EIF4E3: variants seen among roughly 807,000 people sequenced by gnomAD.
EIF4E3 encodes the protein eukaryotic translation initiation factor 4E family member 3, also known as eukaryotic translation initiation factor 4E type 3.
EIF4E3 carries 26 observed loss-of-function variants against 31.7 expected under a neutral mutation model. That is an observed-to-expected ratio of 0.82 (90% confidence interval 0.60 to 1.14). The LOEUF is 1.14. Ranked by LOEUF, EIF4E3 falls within the 50% of genes most tolerant of loss-of-function variation. The probability of loss-of-function intolerance (pLI) is 0.00; values close to 1 mark genes in which losing one functional copy is unlikely to be tolerated. For synonymous variants in EIF4E3, 128 were observed against 107.7 expected (o/e 1.19, Z -1.17); for missense variants, 304 against 270.9 (o/e 1.12, Z -0.86).
downstream of EIF4E3, among the ~76,000 whole-genome samples, chr3:71,672,446 T>C (rs2048851098): frequency 6.6e-6 from 1 of 152,174 alleles, no homozygotes; most frequent in Non-Finnish European, 1.5e-5. Context: ...GCCTTTCTCC[T>C]TTACAAGCCC....
At chr3:71,686,468 T>G (rs1459039562) in intron 6 of EIF4E3, among the ~76,000 whole-genome samples, 2 of 152,014 alleles carry the variant, frequency 1.3e-5, no homozygotes, top group Admixed American at 1.3e-4. Context: ...GCCATACTCC[T>G]AAGGGCAGCC....
the EIF4E3 span, among the ~76,000 whole-genome samples, chr3:71,668,511 A>G: frequency 6.6e-6 from 1 of 152,166 alleles, no homozygotes; most frequent in African/African-American, 2.4e-5. Flanking sequence ...CAAAGGGCTA[A>G]TATCCAGAAT....
chr3:71,696,590 T>A, intron 3 of EIF4E3, 70 bp from the exon 4 acceptor site: 2 of 1,552,378 alleles, frequency 1.3e-6, no homozygotes, highest in Non-Finnish European at 1.8e-6. Flanking sequence ...AGATTAAATA[T>A]CTCTTCATAC....
chr3:71,734,307 A>G (rs748566243), intron 1 of EIF4E3, among the ~76,000 whole-genome samples: 3 of 152,216 alleles, frequency 2.0e-5, no homozygotes, highest in African/African-American at 7.2e-5. Context: ...TGTCACAAAT[A>G]TATACTGTGG....
At chr3:71,690,459 G>C (rs964305213) in intron 5 of EIF4E3, among the ~76,000 whole-genome samples, 4 of 152,190 alleles carry the variant, frequency 2.6e-5, no homozygotes, top group Non-Finnish European at 5.9e-5. Context: ...CCAAAGCTTT[G>C]TGACTATTTC....
chr3:71,709,007 G>A (rs766924924), intron 2 of EIF4E3, among the ~76,000 whole-genome samples: 5 of 152,096 alleles, frequency 3.3e-5, no homozygotes, highest in African/African-American at 9.7e-5. Context: ...GTAGCCACAC[G>A]CAGCACCTTA....
At chr3:71,739,036 T>A (rs1287805843) in intron 1 of EIF4E3, among the ~76,000 whole-genome samples, 1 of 127,898 alleles carries the variant, frequency 7.8e-6, no homozygotes, top group Non-Finnish European at 1.6e-5. Flanking sequence ...CAAAGAAAAT[T>A]CAAAGATACA....
chr3:71,725,155 G>T lies in EIF4E3; in HGVS notation c.176+37C>A. 9.4e-7 allele frequency: 1 copy of T among 1,061,070 alleles called. No individual in the cohort carries two copies. The highest frequency in any genetic ancestry group is 1.1e-6 in the Non-Finnish European group (1 of 881,554). 65.7% of individuals were successfully genotyped at this position (1,061,070 alleles called of 1,614,324 possible). A position where few individuals can be genotyped will look rare whatever the true frequency, so the allele number is the denominator to read the frequency against. On this transcript the variant is annotated intron_variant, in intron 1 of 6. Coordinates refer to ENST00000425534, the MANE Select transcript of EIF4E3 (RefSeq NM_001134651.2). This position sits in a 1 kb window ranked among gnomAD's most constrained non-coding sequence, Gnocchi z 6.1. Reference sequence around the variant, plus strand: ...AAGCGGCGGTGGCGGCAGGACCCGGGTCGGGGCCGTGCGCGGCGGGCCCCG... The same window carrying T: ...AAGCGGCGGTGGCGGCAGGACCCGGTTCGGGGCCGTGCGCGGCGGGCCCCG...
At chr3:71,720,472 C>T (rs1033241516) in intron 1 of EIF4E3, among the ~76,000 whole-genome samples, 5 of 152,022 alleles carry the variant, frequency 3.3e-5, no homozygotes, top group African/African-American at 7.2e-5. Flanking sequence ...TGTGATTGCA[C>T]GGATGAACCA....
chr3:71,738,981 T>C (rs950291894), intron 1 of EIF4E3, among the ~76,000 whole-genome samples: 12 of 65,280 alleles, frequency 1.8e-4, no homozygotes, highest in African/African-American at 5.4e-4. Context: ...TTGAACAGTA[T>C]ATATATATAT....
At chr3:71,686,543 A>T (rs1301461787) in intron 6 of EIF4E3, among the ~76,000 whole-genome samples, 2 of 143,494 alleles carry the variant, frequency 1.4e-5, no homozygotes, top group African/African-American at 5.1e-5. Flanking sequence ...TTTCACATTG[A>T]GTGTGTGTGT....
chr3:71,705,049 C>T (rs1363826180), intron 2 of EIF4E3, among the ~76,000 whole-genome samples: 1 of 152,206 alleles, frequency 6.6e-6, no homozygotes, highest in African/African-American at 2.4e-5. Context: ...GTGGACCTGG[C>T]TGCAGGTCCT....
chr3:71,717,035 G>A (rs916053107), intron 1 of EIF4E3, among the ~76,000 whole-genome samples: 1 of 152,118 alleles, frequency 6.6e-6, no homozygotes, highest in African/African-American at 2.4e-5. Context: ...TCATTACCTG[G>A]CTATCTTTTA....
chr3:71,693,840 G>C, intron 5 of EIF4E3, 35 bp downstream of exon 5: 3 of 1,490,980 alleles, frequency 2.0e-6, no homozygotes, highest in African/African-American at 1.4e-5. Flanking sequence ...AGGAGCACAC[G>C]AGGCAGGGCC....
upstream of EIF4E3, among the ~76,000 whole-genome samples, chr3:71,753,865 T>TGGC (rs35502209): frequency 0.086 from 12,569 of 146,706 alleles, 661 homozygotes; most frequent in Non-Finnish European, 0.12. Context: ...ATTCCTGAGA[T>TGGC]GGCGGCGGCG....
intron 2 of EIF4E3, among the ~76,000 whole-genome samples, chr3:71,702,526 A>G (rs1295410849): frequency 1.3e-5 from 2 of 152,180 alleles, no homozygotes; most frequent in African/African-American, 4.8e-5. Context: ...CATGCTAAGG[A>G]TTGGAGCTTT....
chr3:71,748,702 A>ACC (rs2049897332), intron 1 of EIF4E3, among the ~76,000 whole-genome samples: 1 of 151,832 alleles, frequency 6.6e-6, no homozygotes, highest in Non-Finnish European at 1.5e-5. Flanking sequence ...GAGAAGGGAC[A>ACC]CCCCACACAC....
chr3:71,684,866 T>A, intron 6 of EIF4E3, 138 bp from the exon 7 acceptor site: 1 of 789,670 alleles, frequency 1.3e-6, no homozygotes, highest in South Asian at 2.1e-5. Context: ...TATTTATTTA[T>A]TTTTTTGCCA....
At chr3:71,709,835 A>G (rs1329197183) in intron 2 of EIF4E3, among the ~76,000 whole-genome samples, 2 of 152,138 alleles carry the variant, frequency 1.3e-5, no homozygotes, top group African/African-American at 2.4e-5. Context: ...CAATCTTCAC[A>G]GTAACCCATG....
Sources: allele counts gnomAD v4.1 joint callset (sites outside exome capture counted in the v4.1 genomes callset), GRCh38; gene constraint gnomAD v4.1.1; non-coding constraint Gnocchi (gnomAD v3.1); transcripts MANE v1.5; gene names NCBI Gene and HGNC (gene_info 2026-07-23, HGNC 2026-07-21).